The following LY75 variants were observed in gnomAD, a reference collection of about 807,000 sequenced individuals.
LY75 encodes C-type lectin domain family 13 member B.
Under a neutral mutation model 231.7 loss-of-function variants are expected in LY75, and 185 were observed. That is an observed-to-expected ratio of 0.80 (90% CI 0.71 to 0.90). LY75 has a LOEUF of 0.90. Among genes scored for constraint, LY75 ranks in the 40% least tolerant of loss-of-function variants. The pLI, the probability that LY75 is intolerant of heterozygous loss-of-function variation, is 0.00. For missense variants in LY75, 1,947 were observed against 2,050.2 expected (o/e 0.95, Z 0.97); for synonymous variants, 668 against 689.0 (o/e 0.97, Z 0.48).
intron 2 of LY75, among the ~76,000 whole-genome samples, chr2:159,894,617 T>A (rs1197286015): frequency 6.6e-6 from 1 of 152,054 alleles, no homozygotes; most frequent in Non-Finnish European, 1.5e-5. Context: ...AGACTGGAGG[T>A]AGAATTGAGA....
intron 28 of LY75, among the ~76,000 whole-genome samples, chr2:159,830,313 T>C (rs1240661576): frequency 6.6e-6 from 1 of 152,176 alleles, no homozygotes; most frequent in Non-Finnish European, 1.5e-5. Context: ...ATCATTGTCC[T>C]GTGCCCCTTA....
chr2:159,818,945 A>G (rs1398325628), intron 29 of LY75, among the ~76,000 whole-genome samples: 1 of 152,200 alleles, frequency 6.6e-6, no homozygotes, highest in Non-Finnish European at 1.5e-5. Flanking sequence ...GCTGAGCAAG[A>G]ATGGGGAAAA....
intron 13 of LY75, among the ~76,000 whole-genome samples, chr2:159,871,660 A>G (rs1685015629): frequency 6.6e-6 from 1 of 152,054 alleles, no homozygotes; most frequent in Non-Finnish European, 1.5e-5. Flanking sequence ...AAATTTGCAG[A>G]CTCACACTTA....
At chr2:159,833,314 A>C (rs543606842) in intron 27 of LY75, among the ~76,000 whole-genome samples, 1 of 152,170 alleles carries the variant, frequency 6.6e-6, no homozygotes, top group Non-Finnish European at 1.5e-5. Context: ...AGAAAGTCTC[A>C]CTATGTTGCC....
chr2:159,850,800 T>TA (rs68190265), intron 21 of LY75, among the ~76,000 whole-genome samples: 11,334 of 59,222 alleles, frequency 0.19, 1,195 homozygotes, highest in East Asian at 0.38. Context: ...ATATATATAT[T>TA]ATATCTTATA....
intron 12 of LY75, among the ~76,000 whole-genome samples, chr2:159,873,275 G>A (rs969214536): frequency 6.6e-6 from 1 of 152,134 alleles, no homozygotes; most frequent in African/African-American, 2.4e-5. Flanking sequence ...TAATTAGATG[G>A]TCTTGCCACA....
At chr2:159,882,680 G>T (rs957756602) in intron 6 of LY75, among the ~76,000 whole-genome samples, 3 of 152,302 alleles carry the variant, frequency 2.0e-5, no homozygotes, top group Middle Eastern at 3.4e-3. Context: ...TATGGAATTT[G>T]TTAGGTTTCC....
intron 6 of LY75, among the ~76,000 whole-genome samples, chr2:159,882,596 G>A (rs1292846326): frequency 1.3e-5 from 2 of 152,176 alleles, no homozygotes; most frequent in Non-Finnish European, 2.9e-5. Context: ...CACAGTCAAG[G>A]GAGATTGCCC....
At chr2:159,882,678 T>C (rs1685471124) in intron 6 of LY75, among the ~76,000 whole-genome samples, 1 of 152,172 alleles carries the variant, frequency 6.6e-6, no homozygotes, top group Non-Finnish European at 1.5e-5. Context: ...GATATGGAAT[T>C]TGTTAGGTTT....
At chr2:159,817,328 G>T (rs1683150615) in intron 29 of LY75, among the ~76,000 whole-genome samples, 1 of 152,198 alleles carries the variant, frequency 6.6e-6, no homozygotes, top group Admixed American at 6.5e-5. Flanking sequence ...AACCAGTAGG[G>T]TATGTGAAAT....
Position 159,878,401 on chromosome 2 carries a change from C to T in LY75, c.1697G>A (p.Cys566Tyr), listed in dbSNP as rs753297150. The T allele has an allele frequency of 6.2e-7, 1 of 1,614,114 alleles. No homozygotes were observed. Among genetic ancestry groups the T allele is most frequent in the Admixed American group, 1.7e-5 (1 of 60,010 alleles). ...AACAGTTGCCCAGTTATACTCTCCA[C>T]AAGAATCTACATCTCTCAGGCCAGT... ...FWTGLRDVDS[C>Y]GEYNWATVGG... Residue 566 changes from cysteine (C) to tyrosine (Y), a missense_variant, in exon 11 of 35, where the codon TGT becomes TAT. Cys to Tyr is a radical substitution (Grantham distance 194, BLOSUM62 -2). Transcript: ENST00000263636.
intron 3 of LY75, 79 bp from the exon 4 acceptor site, chr2:159,890,456 A>T (rs1300453694): frequency 1.3e-6 from 2 of 1,586,206 alleles, no homozygotes; most frequent in Non-Finnish European, 1.7e-6. Context: ...GAAATACTGC[A>T]AGTCAATTTG....
At chr2:159,862,742 T>A (rs1287733572) in intron 14 of LY75, among the ~76,000 whole-genome samples, 1 of 152,184 alleles carries the variant, frequency 6.6e-6, no homozygotes. Flanking sequence ...TTGAAGTATA[T>A]ATACATTGTG....
intron 8 of LY75, 117 bp downstream of exon 8, chr2:159,880,966 A>T: frequency 7.7e-7 from 1 of 1,291,632 alleles, no homozygotes. Context: ...ACCCTGATCC[A>T]GAGTGCTCTT....
Position 159,850,005 on chromosome 2 carries a change from C to G in LY75, c.3125G>C (p.Ser1042Thr). ...ATTTTCTGGTATTCTCAGCCTCCCA[C>G]TAACCAATAATGGGTGAAAGTTACT... ...TYSNFHPLLV[S>T]GRLRIPENFF... Residue 1042 changes from serine to threonine, a missense_variant, in exon 23 of 35, where the codon AGT (serine) becomes ACT (threonine). Coordinates refer to ENST00000263636, the MANE Select transcript of LY75 (RefSeq NM_002349.4). The G allele has an allele frequency of 6.2e-7, 1 of 1,613,236 alleles. No individual in the cohort carries two copies. Among genetic ancestry groups the G allele is most frequent in the South Asian group, 1.1e-5 (1 of 90,860 alleles).
At chr2:159,855,148 C>T (rs916669951) in intron 16 of LY75, among the ~76,000 whole-genome samples, 1 of 152,068 alleles carries the variant, frequency 6.6e-6, no homozygotes. Context: ...AAGGCAGATA[C>T]GTTAAATATT....
rs1560093632 is a variant in LY75 at position 159,874,545 on chromosome 2, GTAC to G, written c.1974+896_1974+898del. Among the ~76,000 whole-genome samples, 73 of 11,344 alleles carry G rather than the reference GTAC, an allele frequency of 6.4e-3. 8 individuals carry two copies. The highest frequency in any genetic ancestry group is 0.035 in the South Asian group (6 of 170). 7.4% of individuals were successfully genotyped at this position (11,344 alleles called of 152,430 possible). A position where few individuals can be genotyped will look rare whatever the true frequency, so the allele number is the denominator to read the frequency against. On this transcript the variant is annotated intron_variant, in intron 12 of 34. Coordinates refer to ENST00000263636, the MANE Select transcript of LY75 (RefSeq NM_002349.4). Reference sequence around the variant, plus strand: ...ATATTTTGTAAATCTATATAAATATGTACATATTTTGTAAATCTATATAAATAT... The same window carrying G: ...ATATTTTGTAAATCTATATAAATATGATATTTTGTAAATCTATATAAATAT...
chr2:159,853,305 C>T lies in LY75; in HGVS notation c.2711G>A (p.Cys904Tyr). The part of the protein sequence containing the change: ...HRFPVTFGEE[C>Y]LYMSAKTWLI... The stretch of plus-strand genomic sequence containing the variant: ...CCAAGTCTTGGCAGACATGTACAAG[C>T]ATTCCTCTCCAAATGTCACAGGAAA... Residue 904 changes from cysteine (C) to tyrosine (Y), a missense_variant, in exon 20 of 35, where the codon TGC becomes TAC. Cys to Tyr is a radical substitution (Grantham distance 194). Coordinates refer to ENST00000263636, the MANE Select transcript of LY75 (RefSeq NM_002349.4). 3 of 1,613,464 alleles carry T rather than the reference C, an allele frequency of 1.9e-6. No homozygotes were observed. The highest frequency in any genetic ancestry group is 1.7e-6 in the Non-Finnish European group (2 of 1,179,536).
At chr2:159,840,588 AC>A (rs1309585643) in intron 25 of LY75, 140 bp downstream of exon 25, 1 of 1,325,024 alleles carries the variant, frequency 7.5e-7, no homozygotes, top group Non-Finnish European at 1.0e-6. Context: ...AAATTTAAAA[AC>A]CCCGACATAT....
Sources: allele counts gnomAD v4.1 joint callset (sites outside exome capture counted in the v4.1 genomes callset), GRCh38; gene constraint gnomAD v4.1.1; transcripts MANE v1.5; gene names NCBI Gene and HGNC (gene_info 2026-07-23, HGNC 2026-07-21).